TMEM163: variants seen among roughly 807,000 people sequenced by gnomAD.
TMEM163 encodes the protein transmembrane protein 163.
In TMEM163, 17 loss-of-function variants were observed where a neutral mutation model predicts 29.3. That is an observed-to-expected ratio of 0.58 (90% CI 0.40 to 0.87). The LOEUF is 0.87. Ranked by LOEUF, TMEM163 falls within the 40% of genes least tolerant of loss-of-function variation. The pLI is 0.00. For missense variants in TMEM163, 303 were observed against 381.5 expected (o/e 0.79, Z 1.71); for synonymous variants, 157 against 160.6 (o/e 0.98, Z 0.17).
intron 4 of TMEM163, among the ~76,000 whole-genome samples, chr2:134,523,330 T>C (rs1680226838): frequency 6.6e-6 from 1 of 152,116 alleles, no homozygotes; most frequent in African/African-American, 2.4e-5. Context: ...TTAAGGGAAT[T>C]ATTCATGAGC....
intron 2 of TMEM163, among the ~76,000 whole-genome samples, chr2:134,604,583 G>T (rs1185794886): frequency 6.6e-6 from 1 of 152,090 alleles, no homozygotes; most frequent in Non-Finnish European, 1.5e-5. Context: ...GGTGGGACTG[G>T]GATGGGCAAA....
intron 4 of TMEM163, among the ~76,000 whole-genome samples, chr2:134,512,694 CT>C (rs1679976741): frequency 6.6e-6 from 1 of 152,178 alleles, no homozygotes. Context: ...AGATGGAACC[CT>C]CTTAACTCCA....
At chr2:134,494,155 C>G (rs1679493969) in intron 5 of TMEM163, among the ~76,000 whole-genome samples, 1 of 152,082 alleles carries the variant, frequency 6.6e-6, no homozygotes, top group South Asian at 2.1e-4. Context: ...TCATCAGTGC[C>G]CAGTTCTATT....
chr2:134,684,591 T>G (rs1184638851), intron 2 of TMEM163, among the ~76,000 whole-genome samples: 2 of 152,094 alleles, frequency 1.3e-5, no homozygotes, highest in Admixed American at 1.3e-4. Context: ...AAGAATAGGA[T>G]GGAGCCCCAC....
At chr2:134,712,651 G>A (rs1221025240) in intron 2 of TMEM163, among the ~76,000 whole-genome samples, 2 of 152,322 alleles carry the variant, frequency 1.3e-5, no homozygotes, top group East Asian at 3.9e-4. Context: ...TTATCTGGCA[G>A]AAACTGTTCC....
intron 4 of TMEM163, among the ~76,000 whole-genome samples, chr2:134,506,908 G>A (rs2106488924): frequency 6.6e-6 from 1 of 152,312 alleles, no homozygotes; most frequent in Middle Eastern, 3.4e-3. Context: ...AGGGCATTGA[G>A]GAACCAGGTC....
At chr2:134,555,056 T>G (rs1466175220) in intron 2 of TMEM163, among the ~76,000 whole-genome samples, 2 of 152,214 alleles carry the variant, frequency 1.3e-5, no homozygotes, top group East Asian at 3.9e-4. Context: ...CTTCCTTTTG[T>G]GGCCAACTCC....
intron 2 of TMEM163, among the ~76,000 whole-genome samples, chr2:134,628,683 C>T (rs1446071060): frequency 2.0e-5 from 3 of 152,232 alleles, no homozygotes; most frequent in East Asian, 1.9e-4. Context: ...ATCCATGTGA[C>T]GTAACTGGGA....
chr2:134,658,107 T>A (rs546073654), intron 2 of TMEM163, among the ~76,000 whole-genome samples: 1 of 152,226 alleles, frequency 6.6e-6, no homozygotes, highest in African/African-American at 2.4e-5. Context: ...TTATTGATTG[T>A]CAGGCTGGTC....
At chr2:134,610,096 C>A (rs532893495) in intron 2 of TMEM163, among the ~76,000 whole-genome samples, 35 of 152,242 alleles carry the variant, frequency 2.3e-4, no homozygotes, top group Non-Finnish European at 3.7e-4. Context: ...CAGGGCCAAT[C>A]TTAGGAAGCA....
At chr2:134,717,751 G>T (rs1573560422) in intron 1 of TMEM163, among the ~76,000 whole-genome samples, 1 of 152,196 alleles carries the variant, frequency 6.6e-6, no homozygotes, top group East Asian at 1.9e-4. Flanking sequence ...CCACAGATTC[G>T]TTCTGAGGGG....
At chr2:134,649,631 T>C (rs550597759) in intron 2 of TMEM163, among the ~76,000 whole-genome samples, 2 of 152,320 alleles carry the variant, frequency 1.3e-5, no homozygotes, top group Non-Finnish European at 2.9e-5. Flanking sequence ...TATGGATGCA[T>C]ATTTTAATAA....
intron 2 of TMEM163, among the ~76,000 whole-genome samples, chr2:134,706,227 G>A (rs536518802): frequency 1.1e-4 from 16 of 152,306 alleles, no homozygotes; most frequent in African/African-American, 3.6e-4. Flanking sequence ...GAGGAGGGGT[G>A]AGAGAATGAG....
At chr2:134,567,093 C>T (rs768514605) in intron 2 of TMEM163, among the ~76,000 whole-genome samples, 2 of 152,152 alleles carry the variant, frequency 1.3e-5, no homozygotes, top group Admixed American at 6.5e-5. Flanking sequence ...CTCATTCCAC[C>T]GTACATCCCT....
intron 5 of TMEM163, among the ~76,000 whole-genome samples, chr2:134,473,846 C>T (rs1377546126): frequency 6.6e-6 from 1 of 152,206 alleles, no homozygotes; most frequent in Non-Finnish European, 1.5e-5. Context: ...AACCCTGTAT[C>T]AACCGAAGAC....
chr2:134,490,224 G>A (rs998531845), intron 5 of TMEM163, among the ~76,000 whole-genome samples: 5 of 152,168 alleles, frequency 3.3e-5, no homozygotes, highest in African/African-American at 9.7e-5. Context: ...GGGGTCGGGG[G>A]CAGGGTTAGC....
intron 2 of TMEM163, among the ~76,000 whole-genome samples, chr2:134,707,241 G>GAGGCCC (rs1684835112): frequency 6.6e-6 from 1 of 152,182 alleles, no homozygotes; most frequent in Non-Finnish European, 1.5e-5. Flanking sequence ...AGGAGCTTGC[G>GAGGCCC]AAGAGGCCCG....
At chr2:134,554,758 C>A (rs533712730) in intron 2 of TMEM163, among the ~76,000 whole-genome samples, 7 of 152,228 alleles carry the variant, frequency 4.6e-5, no homozygotes, top group South Asian at 4.2e-4. Flanking sequence ...TTTCCAATAC[C>A]CTCAAAATTA....
At chr2:134,503,756 T>A (rs1190765880) in intron 4 of TMEM163, among the ~76,000 whole-genome samples, 2 of 151,106 alleles carry the variant, frequency 1.3e-5, no homozygotes, top group Non-Finnish European at 3.0e-5. Context: ...AGGCCAAGGG[T>A]GAAGTGAGAG....
Sources: allele counts gnomAD v4.1 joint callset (sites outside exome capture counted in the v4.1 genomes callset), GRCh38; gene constraint gnomAD v4.1.1; transcripts MANE v1.5; gene names NCBI Gene and HGNC (gene_info 2026-07-23, HGNC 2026-07-21).